CNTN5: variants seen among roughly 807,000 people sequenced by gnomAD.
CNTN5 encodes the protein contactin-5.
Under a neutral mutation model 129.1 loss-of-function variants are expected in CNTN5, and 77 were observed. That is an observed-to-expected ratio of 0.60 (90% CI 0.50 to 0.72). The LOEUF is 0.72. CNTN5 is among the 30% of genes least tolerant of loss of function. The probability of loss-of-function intolerance (pLI) is 0.00; values close to 1 mark genes in which losing one functional copy is unlikely to be tolerated. For missense variants in CNTN5, 1,478 were observed against 1,328.8 expected (o/e 1.11, Z -1.75); for synonymous variants, 509 against 465.6 (o/e 1.09, Z -1.20).
At chr11:99,183,368 T>G (rs1378810391) in intron 1 of CNTN5, among the ~76,000 whole-genome samples, 1 of 152,152 alleles carries the variant, frequency 6.6e-6, no homozygotes, top group Non-Finnish European at 1.5e-5. Flanking sequence ...AAGTTATTCC[T>G]CTAAGTGACA....
At chr11:99,907,062 A>G (rs1220241301) in intron 6 of CNTN5, among the ~76,000 whole-genome samples, 1 of 151,716 alleles carries the variant, frequency 6.6e-6, no homozygotes, top group African/African-American at 2.4e-5. Flanking sequence ...TAATCTTTTC[A>G]AAAAAACAGC....
intron 1 of CNTN5, among the ~76,000 whole-genome samples, chr11:99,295,645 G>A (rs1245498373): frequency 6.6e-6 from 1 of 152,004 alleles, no homozygotes; most frequent in Non-Finnish European, 1.5e-5. Flanking sequence ...GGGAGGCCGA[G>A]GCGGGTGGAT....
intron 2 of CNTN5, among the ~76,000 whole-genome samples, chr11:99,501,462 C>G (rs1187492578): frequency 6.6e-6 from 1 of 152,160 alleles, no homozygotes; most frequent in Non-Finnish European, 1.5e-5. Context: ...AGTCCTTTCC[C>G]AACTAAGTAA....
intron 7 of CNTN5, among the ~76,000 whole-genome samples, chr11:99,954,079 C>A (rs939252492): frequency 6.6e-6 from 1 of 152,064 alleles, no homozygotes; most frequent in Non-Finnish European, 1.5e-5. Flanking sequence ...TTTCCCAACA[C>A]CATTTTGTAT....
intron 7 of CNTN5, among the ~76,000 whole-genome samples, chr11:99,940,058 T>A (rs1035602206): frequency 6.6e-6 from 1 of 152,150 alleles, no homozygotes; most frequent in Admixed American, 6.6e-5. Flanking sequence ...TCTAGAGGCA[T>A]TTTTAATTTC....
intron 2 of CNTN5, among the ~76,000 whole-genome samples, chr11:99,418,708 C>T (rs994419471): frequency 6.6e-6 from 1 of 152,106 alleles, no homozygotes; most frequent in African/African-American, 2.4e-5. Flanking sequence ...ATGTAATTGA[C>T]AAGTGCCTTT....
intron 13 of CNTN5, among the ~76,000 whole-genome samples, chr11:100,170,023 TC>T (rs1343402083): frequency 6.6e-6 from 1 of 151,902 alleles, no homozygotes; most frequent in Non-Finnish European, 1.5e-5. Flanking sequence ...TGAAAATACT[TC>T]CCCCAACTTT....
At chr11:99,947,036 T>TTCATCATAAATATGATATATAA (rs71463600) in intron 7 of CNTN5, among the ~76,000 whole-genome samples, 1 of 151,320 alleles carries the variant, frequency 6.6e-6, no homozygotes, top group East Asian at 1.9e-4. Flanking sequence ...GAGTATGTTT[T>TTCATCATAAATATGATATATAA]ACATTATAAA....
intron 1 of CNTN5, among the ~76,000 whole-genome samples, chr11:99,315,656 A>T (rs1319223488): frequency 6.7e-6 from 1 of 149,550 alleles, no homozygotes; most frequent in Admixed American, 6.7e-5. Flanking sequence ...TAATATTAAA[A>T]AGGTAAAAAT....
At chr11:99,960,663 C>G (rs368238270) in intron 8 of CNTN5, among the ~76,000 whole-genome samples, 2 of 152,030 alleles carry the variant, frequency 1.3e-5, no homozygotes, top group East Asian at 3.9e-4. Flanking sequence ...TCTTAAAGTT[C>G]TGCTGTACAA....
intron 24 of CNTN5, among the ~76,000 whole-genome samples, chr11:100,351,657 T>TAA (rs60798966): frequency 0.017 from 1,757 of 103,558 alleles, 30 homozygotes; most frequent in African/African-American, 0.044. Context: ...GTAGAGATAG[T>TAA]AAAAAAAAAA....
At chr11:99,669,068 A>C (rs1211556142) in intron 3 of CNTN5, among the ~76,000 whole-genome samples, 1 of 152,140 alleles carries the variant, frequency 6.6e-6, no homozygotes, top group Non-Finnish European at 1.5e-5. Context: ...TCTTTTAAAC[A>C]TGATTTATAC....
intron 15 of CNTN5, among the ~76,000 whole-genome samples, chr11:100,205,235 C>T (rs527949061): frequency 5.2e-4 from 79 of 152,056 alleles, no homozygotes; most frequent in Non-Finnish European, 7.9e-4. Context: ...ATTTCTCTTT[C>T]GGCATCTGTT....
chr11:99,686,152 T>C (rs1421093312), intron 3 of CNTN5, among the ~76,000 whole-genome samples: 1 of 152,020 alleles, frequency 6.6e-6, no homozygotes, highest in Non-Finnish European at 1.5e-5. Context: ...TATCTTTTAA[T>C]CTGCAAATGG....
At chr11:99,734,864 C>T (rs1000844050) in intron 3 of CNTN5, among the ~76,000 whole-genome samples, 1 of 152,068 alleles carries the variant, frequency 6.6e-6, no homozygotes, top group African/African-American at 2.4e-5. Context: ...AAAAATTAGC[C>T]CGGTGCAGTG....
At chr11:99,814,734 T>C (rs758132442) in intron 3 of CNTN5, among the ~76,000 whole-genome samples, 1 of 152,066 alleles carries the variant, frequency 6.6e-6, no homozygotes, top group Non-Finnish European at 1.5e-5. Context: ...CAGTAGATTG[T>C]AGGTCTTGAA....
intron 1 of CNTN5, among the ~76,000 whole-genome samples, chr11:99,036,821 C>G (rs1258686068): frequency 6.6e-6 from 1 of 152,214 alleles, no homozygotes; most frequent in East Asian, 1.9e-4. Context: ...ATTTGAACAT[C>G]CCTTTATGTT....
chr11:100,088,126 A>C (rs563099818), intron 13 of CNTN5, among the ~76,000 whole-genome samples: 1 of 152,046 alleles, frequency 6.6e-6, no homozygotes, highest in South Asian at 2.1e-4. Flanking sequence ...GAAATGACAA[A>C]GATGACATTA....
chr11:99,896,742 A>C (rs1052680094), intron 6 of CNTN5, among the ~76,000 whole-genome samples: 16 of 152,160 alleles, frequency 1.1e-4, no homozygotes, highest in Non-Finnish European at 1.3e-4. Context: ...TGAAATTTAG[A>C]ACTCCTTGTG....
Sources: allele counts gnomAD v4.1 joint callset (sites outside exome capture counted in the v4.1 genomes callset), GRCh38; gene constraint gnomAD v4.1.1; transcripts MANE v1.5; gene names NCBI Gene and HGNC (gene_info 2026-07-23, HGNC 2026-07-21).